CNTN4: variants seen among roughly 807,000 people sequenced by gnomAD.
The protein encoded by CNTN4 is contactin-4.
In CNTN4, 77 loss-of-function variants were observed where a neutral mutation model predicts 122.5. The ratio of observed to expected loss-of-function variants is 0.63; its 90% CI spans 0.52 to 0.76. The LOEUF is 0.76. CNTN4 is among the 30% of genes least tolerant of loss of function. The pLI is 0.00. For missense variants in CNTN4, 1,256 were observed against 1,259.1 expected (o/e 1.00, Z 0.04); for synonymous variants, 512 against 447.0 (o/e 1.15, Z -1.83).
Position 2,565,834 on chromosome 3 carries a change from T to G in CNTN4, c.-88-5582T>G, listed in dbSNP as rs775989302. Among the ~76,000 whole-genome samples, 7 of 152,204 alleles carry G rather than the reference T, an allele frequency of 4.6e-5. No homozygotes were observed. In the South Asian group the frequency reaches 6.2e-4, roughly 14 times the overall value. On this transcript the variant is annotated intron_variant, in intron 3 of 24. Transcript: ENST00000418658. ...GTGATTGACTGCACCCCTCATTAGC[T>G]AATTGTAGAGTTAGGAAACTCTCAA...
At chr3:2,590,679 C>G (rs868209769) in intron 4 of CNTN4, among the ~76,000 whole-genome samples, 3 of 151,960 alleles carry the variant, frequency 2.0e-5, no homozygotes, top group Non-Finnish European at 4.4e-5. Flanking sequence ...ATTACTAAAT[C>G]ATGTCAACCG....
intron 2 of CNTN4, among the ~76,000 whole-genome samples, chr3:2,330,823 T>C (rs2043687907): frequency 6.6e-6 from 1 of 152,182 alleles, no homozygotes; most frequent in African/African-American, 2.4e-5. Flanking sequence ...ATATTGTTTT[T>C]CTTTGCTTCA....
intron 13 of CNTN4, among the ~76,000 whole-genome samples, chr3:2,972,456 C>G (rs1397870553): frequency 1.3e-5 from 2 of 152,102 alleles, no homozygotes; most frequent in African/African-American, 4.8e-5. Flanking sequence ...AACAGTGCAA[C>G]AAAGCATGAT....
chr3:2,720,984 T>G (rs1352972855), intron 4 of CNTN4, among the ~76,000 whole-genome samples: 5 of 152,118 alleles, frequency 3.3e-5, no homozygotes, highest in Non-Finnish European at 7.3e-5. Context: ...GTTTGTTTGT[T>G]TGTTTTGAGA....
intron 13 of CNTN4, among the ~76,000 whole-genome samples, chr3:2,971,719 T>A (rs1306987785): frequency 6.6e-6 from 1 of 152,164 alleles, no homozygotes; most frequent in Non-Finnish European, 1.5e-5. Flanking sequence ...AAATTTCAGA[T>A]CCATAAAAAC....
chr3:2,647,436 C>G (rs1319985738), intron 4 of CNTN4, among the ~76,000 whole-genome samples: 3 of 151,920 alleles, frequency 2.0e-5, no homozygotes, highest in Non-Finnish European at 4.4e-5. Context: ...GTAACCTATG[C>G]CTTATCTCAA....
chr3:2,788,925 C>T (rs751346637), intron 6 of CNTN4, among the ~76,000 whole-genome samples: 43 of 152,174 alleles, frequency 2.8e-4, no homozygotes, highest in Non-Finnish European at 2.2e-4. Context: ...GCATATCAAT[C>T]TTCTAAGAGA....
At chr3:2,782,556 C>A (rs1411832898) in intron 6 of CNTN4, among the ~76,000 whole-genome samples, 1 of 147,668 alleles carries the variant, frequency 6.8e-6, no homozygotes, top group African/African-American at 2.5e-5. Context: ...ATGGTCCCAC[C>A]TTCCTTATTA....
chr3:2,879,308 G>T (rs780947947), intron 8 of CNTN4, among the ~76,000 whole-genome samples: 2 of 152,154 alleles, frequency 1.3e-5, no homozygotes, highest in South Asian at 4.1e-4. Flanking sequence ...GAAGGATTCT[G>T]CCCAGAGTCT....
intron 2 of CNTN4, among the ~76,000 whole-genome samples, chr3:2,214,957 A>G (rs1324715933): frequency 6.6e-6 from 1 of 152,242 alleles, no homozygotes; most frequent in Non-Finnish European, 1.5e-5. Context: ...TCAAAACATA[A>G]TGTACAGAAG....
At chr3:2,187,556 G>A (rs9968061) in intron 2 of CNTN4, among the ~76,000 whole-genome samples, 1 of 152,116 alleles carries the variant, frequency 6.6e-6, no homozygotes. Context: ...CAGCTGTTGT[G>A]TAACTTATAG....
chr3:2,099,246 C>T (rs1313295262), intron 1 of CNTN4: 2 of 152,370 alleles, frequency 1.3e-5, no homozygotes, highest in Non-Finnish European at 2.9e-5. Flanking sequence ...CACCGTCACC[C>T]CACAGCGACC....
intron 7 of CNTN4, among the ~76,000 whole-genome samples, chr3:2,834,202 TAAAG>T (rs767677932): frequency 1.2e-4 from 18 of 151,986 alleles, no homozygotes; most frequent in South Asian, 1.0e-3. Context: ...GTTAAAAAAA[TAAAG>T]AAAGCATAGA....
intron 6 of CNTN4, among the ~76,000 whole-genome samples, chr3:2,766,777 G>A (rs765026809): frequency 6.6e-6 from 1 of 152,164 alleles, no homozygotes; most frequent in Non-Finnish European, 1.5e-5. Context: ...AGATGCAATA[G>A]TAGCAGAGCA....
intron 7 of CNTN4, chr3:2,866,366 C>T: frequency 3.9e-6 from 2 of 507,248 alleles, no homozygotes; most frequent in Non-Finnish European, 5.4e-6. Flanking sequence ...AAATAGTTTC[C>T]AGGGTGGCTT....
At chr3:2,560,332 G>T (rs2078899359) in intron 3 of CNTN4, among the ~76,000 whole-genome samples, 1 of 151,776 alleles carries the variant, frequency 6.6e-6, no homozygotes, top group South Asian at 2.1e-4. Context: ...AGTAGATATG[G>T]GGTTTCACCA....
chr3:2,874,817 A>C (rs903014441), intron 8 of CNTN4, among the ~76,000 whole-genome samples: 2 of 152,116 alleles, frequency 1.3e-5, no homozygotes, highest in Non-Finnish European at 2.9e-5. Context: ...CAGCAGGCAG[A>C]TTATTTGTTT....
At chr3:2,799,767 A>T (rs1048340152) in intron 6 of CNTN4, among the ~76,000 whole-genome samples, 1 of 152,222 alleles carries the variant, frequency 6.6e-6, no homozygotes, top group African/African-American at 2.4e-5. Context: ...GGTACATAGT[A>T]GGTAATACTA....
chr3:3,000,107 C>G (rs909983664), intron 14 of CNTN4, among the ~76,000 whole-genome samples: 4 of 151,802 alleles, frequency 2.6e-5, no homozygotes, highest in Non-Finnish European at 4.4e-5. Context: ...ATGAGAGAGC[C>G]AAATTTTAGT....
Sources: allele counts gnomAD v4.1 joint callset (sites outside exome capture counted in the v4.1 genomes callset), GRCh38; gene constraint gnomAD v4.1.1; transcripts MANE v1.5; gene names NCBI Gene and HGNC (gene_info 2026-07-23, HGNC 2026-07-21).